The following ZBTB24 variants were observed in gnomAD, a reference collection of about 807,000 sequenced individuals.
ZBTB24 encodes the protein zinc finger and BTB domain-containing protein 24.
ZBTB24 carries 32 observed loss-of-function variants against 53.8 expected under a neutral mutation model. That is an observed-to-expected ratio of 0.60 (90% CI 0.45 to 0.80). ZBTB24 has a LOEUF of 0.80. Among genes scored for constraint, ZBTB24 ranks in the 30% least tolerant of loss-of-function variants. The probability of loss-of-function intolerance (pLI) is 0.00; values close to 1 mark genes in which losing one functional copy is unlikely to be tolerated. For missense variants in ZBTB24, 722 were observed against 837.1 expected (o/e 0.86, Z 1.70); for synonymous variants, 297 against 306.7 (o/e 0.97, Z 0.33).
intron 5 of ZBTB24, 29 bp downstream of exon 5, chr6:109,475,370 C>A (rs1776257632): frequency 1.9e-6 from 3 of 1,613,016 alleles, no homozygotes; most frequent in Non-Finnish European, 2.5e-6. Flanking sequence ...ATCCCGTGTA[C>A]TGGGGGGACA....
chr6:109,466,243 C>A lies in ZBTB24; in HGVS notation c.1702G>T (p.Gly568Cys). 1 of 1,614,160 alleles carries A rather than the reference C, an allele frequency of 6.2e-7. No homozygotes were observed. Among genetic ancestry groups the A allele is most frequent in the Non-Finnish European group, 8.5e-7 (1 of 1,180,020 alleles). ...ACAATGCTGATTCCCTGGCTAGGAC[C>A]GGGCATGAAATTGATGTTATGTACA... The part of the protein sequence containing the change: ...DSVHNINFMP[G>C]PSQGISIVTA... The change falls in exon 7 of 7, where the codon GGT becomes TGT. Residue 568 changes from glycine to cysteine, a missense_variant. Transcript: ENST00000230122.
chr6:109,478,320 C>A (rs959352970), intron 2 of ZBTB24, among the ~76,000 whole-genome samples: 3 of 152,222 alleles, frequency 2.0e-5, no homozygotes, highest in Non-Finnish European at 1.5e-5. Flanking sequence ...TGCACACTTA[C>A]AGACAGACAT....
At chr6:109,470,294 C>T in intron 5 of ZBTB24, among the ~76,000 whole-genome samples, 1 of 151,858 alleles carries the variant, frequency 6.6e-6, no homozygotes, top group East Asian at 1.9e-4. Context: ...TCCAGACCCT[C>T]TTCTCAGCAG....
intron 5 of ZBTB24, among the ~76,000 whole-genome samples, chr6:109,475,083 T>C (rs1293395500): frequency 6.8e-6 from 1 of 147,414 alleles, no homozygotes; most frequent in Non-Finnish European, 1.5e-5. Flanking sequence ...TCACCTTCAA[T>C]GCTGAAGTAA....
Position 109,469,335 on chromosome 6 carries a change from C to T in ZBTB24, c.1289-1601G>A, listed in dbSNP as rs375400192. On this transcript the variant is annotated intron_variant, in intron 5 of 6. Coordinates refer to ENST00000230122, the MANE Select transcript of ZBTB24 (RefSeq NM_014797.3). ...AGGTTTTTAAGAGAAAGAACAGCAA[C>T]AATCATCCATAACAACATTAACTAT... 1.7e-3 allele frequency among the ~76,000 whole-genome samples: 252 copies of T among 152,332 alleles called. 7 individuals carry two copies. In the South Asian group the frequency reaches 0.05, roughly 30 times the overall value.
At chr6:109,473,695 A>G (rs1355766658) in intron 5 of ZBTB24, among the ~76,000 whole-genome samples, 1 of 152,196 alleles carries the variant, frequency 6.6e-6, no homozygotes. Flanking sequence ...AGCCTAAAAC[A>G]ATGTCTGGTT....
intron 2 of ZBTB24, among the ~76,000 whole-genome samples, chr6:109,479,630 T>C (rs1486856253): frequency 6.6e-6 from 1 of 152,218 alleles, no homozygotes; most frequent in Non-Finnish European, 1.5e-5. Context: ...TTGATAAAAA[T>C]AGCCAGCTGG....
chr6:109,478,473 C>T (rs1479429813), intron 2 of ZBTB24, among the ~76,000 whole-genome samples: 2 of 152,014 alleles, frequency 1.3e-5, no homozygotes, highest in African/African-American at 4.8e-5. Context: ...ATTATTGGGC[C>T]ACGAGAAATA....
chr6:109,480,790 C>T (rs1051308253), intron 2 of ZBTB24, among the ~76,000 whole-genome samples: 1 of 152,198 alleles, frequency 6.6e-6, no homozygotes, highest in African/African-American at 2.4e-5. Context: ...ACGGGTGACT[C>T]TGGCAAGTTA....
chr6:109,466,313 G>C lies in ZBTB24; in HGVS notation c.1632C>G (p.Leu544=). 1 of 1,614,238 alleles carries C rather than the reference G, an allele frequency of 6.2e-7. No homozygotes were observed. The highest frequency in any genetic ancestry group is 8.5e-7 in the Non-Finnish European group (1 of 1,180,048). Residue 544 remains leucine (L), a synonymous_variant, in exon 7 of 7, where the codon CTC becomes CTG. Coordinates refer to ENST00000230122, the MANE Select transcript of ZBTB24 (RefSeq NM_014797.3). ...RNILQLQPYQ[L]STSGEQEIQL... is the part of the protein sequence containing the mutation. ...GAATTTCCTGCTCTCCCGAGGTAGA[G>C]AGTTGATATGGCTGTAGCTGAAGAA...
rs1776038792 is a variant in ZBTB24 at position 109,466,269 on chromosome 6, G to C, written c.1676C>G (p.Ser559Cys). The change falls in exon 7 of 7, where the codon TCT (serine) becomes TGT (cysteine). Residue 559 changes from serine to cysteine, a missense_variant. Ser to Cys is a moderately radical substitution (Grantham distance 112). Transcript: ENST00000230122. ...GGGCATGAAATTGATGTTATGTACAGAATCGGTTACGAGAAGCTGAATTTC... is the reference window on the plus strand; with the variant it reads ...GGGCATGAAATTGATGTTATGTACACAATCGGTTACGAGAAGCTGAATTTC... ...EQEIQLLVTD[S>C]VHNINFMPGP... 5 of 1,614,248 alleles carry C rather than the reference G, an allele frequency of 3.1e-6. No individual in the cohort carries two copies. Among genetic ancestry groups the C allele is most frequent in the Non-Finnish European group, 4.2e-6 (5 of 1,180,052 alleles).
intron 2 of ZBTB24, 128 bp from the exon 3 acceptor site, chr6:109,477,058 AAG>A (rs1776294124): frequency 1.5e-6 from 2 of 1,302,394 alleles, no homozygotes; most frequent in African/African-American, 3.0e-5. Flanking sequence ...CAATGAACAC[AAG>A]AGACATCAGC....
At chr6:109,475,207 ATG>A (rs1776254718) in intron 5 of ZBTB24, among the ~76,000 whole-genome samples, 190 bp downstream of exon 5, 3 of 152,160 alleles carry the variant, frequency 2.0e-5, no homozygotes, top group Admixed American at 6.5e-5. Flanking sequence ...TCTACAAGAG[ATG>A]TGATTTCCCC....
At chr6:109,474,719 C>T (rs181147301) in intron 5 of ZBTB24, among the ~76,000 whole-genome samples, 1,738 of 145,528 alleles carry the variant, frequency 0.012, 15 homozygotes, top group Non-Finnish European at 0.017. Flanking sequence ...GGCAACAGAG[C>T]GAGACTCCGT....
chr6:109,474,047 C>T (rs1360330011), intron 5 of ZBTB24, among the ~76,000 whole-genome samples: 1 of 148,522 alleles, frequency 6.7e-6, no homozygotes, highest in Non-Finnish European at 1.5e-5. Context: ...CAAGATAGCA[C>T]CACTGCACAA....
At position 109,481,144 on chromosome 6, in the gene ZBTB24, G is replaced by C. The variant is rs773712148; in HGVS notation, c.883C>G (p.Arg295Gly). ...RRKRPGGPEA[R>G]CKDCGKVFKY... ...AAGACCTTGCCACAGTCTTTACAGC[G>C]GGCCTCAGGGCCTCCAGGGCGCTTT... The change falls in exon 2 of 7, where the codon CGC becomes GGC. Residue 295 changes from arginine (R) to glycine (G), a missense_variant. Transcript: ENST00000230122. 3.1e-6 allele frequency: 5 copies of C among 1,614,136 alleles called. No individual in the cohort carries two copies. The highest frequency in any genetic ancestry group is 1.1e-5 in the South Asian group (1 of 91,072).
In ZBTB24 at chr6:109,465,839, CG is replaced by C. The variant is rs1562298774; in HGVS notation, c.*11del. ...AGAAGAGCCCAATCAAGCAGTCAAA[CG>C]TGTTTACAGGTCAGCTCTGCTCCTG... is the stretch of plus-strand genomic sequence containing the variant. On this transcript the variant is annotated 3_prime_UTR_variant, in exon 7 of 7. Coordinates refer to ENST00000230122, the MANE Select transcript of ZBTB24 (RefSeq NM_014797.3). The C allele has an allele frequency of 6.2e-7, 1 of 1,614,046 alleles. No individual in the cohort carries two copies. The highest frequency in any genetic ancestry group is 8.5e-7 in the Non-Finnish European group (1 of 1,180,032).
In ZBTB24 at chr6:109,465,493, A is replaced by C; in HGVS notation, c.*358T>G. On this transcript the variant is annotated 3_prime_UTR_variant, in exon 7 of 7. Transcript: ENST00000230122. ...TCCCTTTGTCCTAGAAAACAAAAAA[A>C]CATAACTGGGGAGGTTGGCAAGACC... 1 of 704,566 alleles carries C rather than the reference A, an allele frequency of 1.4e-6. No homozygotes were observed. The highest frequency in any genetic ancestry group is 2.3e-6 in the Non-Finnish European group (1 of 435,402). The allele number at this position is 704,566 out of a possible 1,614,324, so 43.6% of individuals were successfully genotyped here.
chr6:109,475,043 T>TAAAAA (rs5879027), intron 5 of ZBTB24, among the ~76,000 whole-genome samples: 1 of 116,426 alleles, frequency 8.6e-6, no homozygotes, highest in African/African-American at 3.3e-5. Flanking sequence ...CCCTTATCTT[T>TAAAAA]AAAAAAAAAA....
Sources: gnomAD v4.1 joint callset for allele counts (sites outside exome capture counted in the v4.1 genomes callset) on GRCh38, gnomAD v4.1.1 for gene constraint, MANE v1.5 for transcripts, NCBI Gene and HGNC (gene_info 2026-07-23, HGNC 2026-07-21) for gene names.